Variants in GSTZ1 observed in about 807,000 individuals in gnomAD.
The protein encoded by GSTZ1 is maleylacetoacetate isomerase.
A neutral mutation model predicts 35.9 loss-of-function variants in GSTZ1; 34 were observed. The observed-to-expected ratio is 0.95, with a 90% CI of 0.72 to 1.26. The LOEUF (loss-of-function observed/expected upper bound fraction) is 1.26. Ranked by LOEUF, GSTZ1 falls within the 50% of genes most tolerant of loss-of-function variation. The pLI, the probability that GSTZ1 is intolerant of heterozygous loss-of-function variation, is 0.00. For missense variants in GSTZ1, 263 were observed against 271.7 expected (o/e 0.97, Z 0.23); for synonymous variants, 93 against 101.2 (o/e 0.92, Z 0.49).
At chr14:77,330,005 C>T (rs1040711019) in intron 7 of GSTZ1, 198 bp downstream of exon 7, 20 of 646,106 alleles carry the variant, frequency 3.1e-5, no homozygotes, top group Non-Finnish European at 3.9e-5. Context: ...GAGGATGAGG[C>T]GGGCCAGCAT....
intron 1 of GSTZ1, among the ~76,000 whole-genome samples, chr14:77,321,725 A>G (rs1892000909): frequency 1.3e-5 from 2 of 152,184 alleles, no homozygotes; most frequent in African/African-American, 4.8e-5. Flanking sequence ...CTATTAAAAT[A>G]CAAAAAAATT....
In GSTZ1 at chr14:77,327,941, G is replaced by T; in HGVS notation, c.246G>T (p.Met82Ile). 6.2e-7 allele frequency: 1 copy of T among 1,613,860 alleles called. No homozygotes were observed. Among genetic ancestry groups the T allele is most frequent in the East Asian group, 2.2e-5 (1 of 44,856 alleles). ...CCATCATTGAGTATCTAGAGGAGAT[G>T]CGTCCCACTCCGCGACTTCTGCCTC... ...SLAIIEYLEEMRPTPRLLPQD... is the reference protein window; with the variant it reads ...SLAIIEYLEEIRPTPRLLPQD... The change falls in exon 5 of 9, where the codon ATG (methionine) becomes ATT (isoleucine). Residue 82 changes from methionine (M) to isoleucine (I), a missense_variant. Coordinates refer to ENST00000216465, the MANE Select transcript of GSTZ1 (RefSeq NM_145870.3).
Position 77,328,124 on chromosome 14 carries a change from G to A in GSTZ1, c.342+87G>A, listed in dbSNP as rs1892433560. On this transcript the variant is annotated intron_variant, in intron 5 of 8. Coordinates refer to ENST00000216465, the MANE Select transcript of GSTZ1 (RefSeq NM_145870.3). ...CTGTGAGCTGCCCAGTGTGGGGGCGGGGGTGTCAAGGGAGGGAGGGGGATT... is the reference window on the plus strand; with the variant it reads ...CTGTGAGCTGCCCAGTGTGGGGGCGAGGGTGTCAAGGGAGGGAGGGGGATT... The A allele has an allele frequency of 8.8e-6, 12 of 1,365,554 alleles. No homozygotes were observed. In the South Asian group the frequency reaches 1.5e-4, roughly 17 times the overall value. The allele number at this position is 1,365,554 out of a possible 1,614,324, so 84.6% of individuals were successfully genotyped here. A position where few individuals can be genotyped will look rare whatever the true frequency, so the allele number is the denominator to read the frequency against.
At chr14:77,321,346 C>T (rs1200629504) in intron 1 of GSTZ1, 163 bp downstream of exon 1, 8 of 1,533,308 alleles carry the variant, frequency 5.2e-6, no homozygotes, top group African/African-American at 1.4e-5. Context: ...GCGCGCTGCC[C>T]GCTGGGGCTC....
intron 8 of GSTZ1, 46 bp from the exon 9 acceptor site, chr14:77,331,023 C>T (rs768860768): frequency 6.3e-7 from 1 of 1,591,124 alleles, no homozygotes; most frequent in East Asian, 2.2e-5. Flanking sequence ...GGCAGTCTCC[C>T]TGTGTCCCTG....
At chr14:77,327,372 A>T (rs1397813450) in intron 3 of GSTZ1, 100 bp from the exon 4 acceptor site, 12 of 729,838 alleles carry the variant, frequency 1.6e-5, no homozygotes, top group Non-Finnish European at 2.3e-5. Flanking sequence ...GGGAAGGGAG[A>T]TGGGGGTGGG....
At chr14:77,330,395 C>T (rs1032306441) in intron 8 of GSTZ1, 36 bp downstream of exon 8, 6 of 1,550,230 alleles carry the variant, frequency 3.9e-6, no homozygotes, top group Admixed American at 3.3e-5. Flanking sequence ...CTTCTCGTGG[C>T]TCTGCCCACA....
chr14:77,330,409 A>G lies in GSTZ1; in HGVS notation c.524+50A>G, dbSNP rs1176457535. 4 of 1,437,126 alleles carry G rather than the reference A, an allele frequency of 2.8e-6. No individual in the cohort carries two copies. In the South Asian group the frequency reaches 3.4e-5, roughly 12 times the overall value. 89.0% of individuals were successfully genotyped at this position (1,437,126 alleles called of 1,614,324 possible). On this transcript the variant is annotated intron_variant, in intron 8 of 8. Coordinates refer to ENST00000216465, the MANE Select transcript of GSTZ1 (RefSeq NM_145870.3). Reference sequence around the variant, plus strand: ...CCTTCTCGTGGCTCTGCCCACAGTCAGGCCCCACTCAGCTGGCGAGATAGC... The same window carrying G: ...CCTTCTCGTGGCTCTGCCCACAGTCGGGCCCCACTCAGCTGGCGAGATAGC...
intron 8 of GSTZ1, among the ~76,000 whole-genome samples, chr14:77,330,636 T>C (rs939243111): frequency 6.6e-6 from 1 of 152,048 alleles, no homozygotes; most frequent in Non-Finnish European, 1.5e-5. Flanking sequence ...CTGCCTGATG[T>C]CCTCAAATGT....
intron 2 of GSTZ1, 58 bp from the exon 3 acceptor site, chr14:77,326,775 TCTTTC>T: frequency 2.4e-6 from 3 of 1,229,750 alleles, no homozygotes; most frequent in African/African-American, 1.5e-5. Flanking sequence ...TTAGAAGGGC[TCTTTC>T]CTTTAAGAGT....
chr14:77,321,090 T>TCTCA lies in GSTZ1; in HGVS notation c.-76_-73dup, dbSNP rs900054513. 6.6e-4 allele frequency: 889 copies of TCTCA among 1,350,012 alleles called. No homozygotes were observed. The highest frequency in any genetic ancestry group is 6.0e-4 in the Non-Finnish European group (604 of 1,014,536). The allele number at this position is 1,350,012 out of a possible 1,614,324, so 83.6% of individuals were successfully genotyped here. A position where few individuals can be genotyped will look rare whatever the true frequency, so the allele number is the denominator to read the frequency against. ...AAAGACACGGGCCTGATTCGTCGAGTCTCACTGAGCCTTAGTCGTCGGCAG... is the reference window on the plus strand; with the variant it reads ...AAAGACACGGGCCTGATTCGTCGAGTCTCACTCACTGAGCCTTAGTCGTCGGCAG... On this transcript the variant is annotated 5_prime_UTR_variant, in exon 1 of 9. Coordinates refer to ENST00000216465, the MANE Select transcript of GSTZ1 (RefSeq NM_145870.3).
intron 1 of GSTZ1, 176 bp downstream of exon 1, chr14:77,321,359 A>G (rs1891951201): frequency 6.5e-7 from 1 of 1,531,416 alleles, no homozygotes. Context: ...TGGGGCTCGA[A>G]GTTCCGGGAG....
intron 2 of GSTZ1, chr14:77,325,296 A>G: frequency 3.7e-6 from 1 of 267,820 alleles, no homozygotes; most frequent in Non-Finnish European, 7.5e-6. Context: ...AGCAAACAGA[A>G]CGGGCCAGCA....
chr14:77,324,490 G>T, intron 1 of GSTZ1: 2 of 909,474 alleles, frequency 2.2e-6, no homozygotes, highest in South Asian at 2.8e-5. Flanking sequence ...CCAATGCCTG[G>T]GTAGCCCAGC....
At position 77,327,850 on chromosome 14, in the gene GSTZ1, C is replaced by A. The variant is rs1057298355; in HGVS notation, c.217-62C>A. 2.6e-6 allele frequency: 4 copies of A among 1,560,734 alleles called. No homozygotes were observed. In the African/African-American group the frequency reaches 5.4e-5, roughly 21 times the overall value. On this transcript the variant is annotated intron_variant, in intron 4 of 8. Coordinates refer to ENST00000216465, the MANE Select transcript of GSTZ1 (RefSeq NM_145870.3). Reference sequence around the variant, plus strand: ...GAGGAGAAGGAGGAGTTTGCTGGCCCTGTCCCCTCTGGTCCAGGGGTCCTG... The same window carrying A: ...GAGGAGAAGGAGGAGTTTGCTGGCCATGTCCCCTCTGGTCCAGGGGTCCTG...
At position 77,322,641 on chromosome 14, in the gene GSTZ1, G is replaced by A. The variant is rs912053109; in HGVS notation, c.15+1458G>A. Reference sequence around the variant, plus strand: ...TGCATCTCCAAATAAGGAAGATCCAGTTGTGGCCACCCAATTCCTCCTCTT... The same window carrying A: ...TGCATCTCCAAATAAGGAAGATCCAATTGTGGCCACCCAATTCCTCCTCTT... On this transcript the variant is annotated intron_variant, in intron 1 of 8. Coordinates refer to ENST00000216465, the MANE Select transcript of GSTZ1 (RefSeq NM_145870.3). 3 of 985,080 alleles carry A rather than the reference G, an allele frequency of 3.0e-6. No individual in the cohort carries two copies. In the South Asian group the frequency reaches 1.4e-4, roughly 46 times the overall value. The allele number at this position is 985,080 out of a possible 1,614,324, so 61.0% of individuals were successfully genotyped here.
chr14:77,330,155 T>G lies in GSTZ1; in HGVS notation c.475-155T>G, dbSNP rs1892544779. On this transcript the variant is annotated intron_variant, in intron 7 of 8. Transcript: ENST00000216465. The stretch of plus-strand genomic sequence containing the variant: ...ACTTCAGCTCCGGGGGACAGACTCA[T>G]GCAGGCCTAGGGCAGACAAGAATTG... The G allele has an allele frequency of 6.4e-6, 5 of 776,954 alleles. No homozygotes were observed. In the South Asian group the frequency reaches 6.8e-5, roughly 11 times the overall value. The allele number at this position is 776,954 out of a possible 1,614,324, so 48.1% of individuals were successfully genotyped here.
At chr14:77,326,744 C>G (rs1892334157) in intron 2 of GSTZ1, 94 bp from the exon 3 acceptor site, 1 of 851,332 alleles carries the variant, frequency 1.2e-6, no homozygotes, top group Non-Finnish European at 1.9e-6. Context: ...AAGCCTCCCC[C>G]TCTTTGGCCT....
intron 6 of GSTZ1, chr14:77,329,537 C>A: frequency 1.7e-6 from 1 of 598,260 alleles, no homozygotes; most frequent in East Asian, 2.8e-5. Context: ...CTTGTCCACT[C>A]GAGTGGGGAA....
Sources: allele counts gnomAD v4.1 joint callset (sites outside exome capture counted in the v4.1 genomes callset), GRCh38; gene constraint gnomAD v4.1.1; transcripts MANE v1.5; gene names NCBI Gene and HGNC (gene_info 2026-07-23, HGNC 2026-07-21).